The following SMARCAD1 variants were observed in gnomAD, a reference collection of about 807,000 sequenced individuals.
SMARCAD1 encodes the protein SWI/SNF-related matrix-associated actin-dependent regulator of chromatin subfamily A containing DEAD/H box 1.
In SMARCAD1, 25 loss-of-function variants were observed where a neutral mutation model predicts 127.1. The observed-to-expected ratio is 0.20, with a 90% confidence interval of 0.14 to 0.27. SMARCAD1 has a LOEUF of 0.27. SMARCAD1 is among the 10% of genes least tolerant of loss of function. The pLI is 1.00. For missense variants in SMARCAD1, 807 were observed against 1,206.0 expected, an observed-to-expected ratio of 0.67 and a Z score of 4.90; for synonymous variants, 400 against 396.9, an observed-to-expected ratio of 1.01 and a Z score of -0.09.
intron 9 of SMARCAD1, among the ~76,000 whole-genome samples, chr4:94,258,070 G>A (rs1750389988): frequency 6.7e-6 from 1 of 149,938 alleles, no homozygotes; most frequent in African/African-American, 2.5e-5. Flanking sequence ...ATTTGTCTCG[G>A]TTTTTCTCTT....
chr4:94,252,687 A>T lies in SMARCAD1; in HGVS notation c.961A>T (p.Lys321Ter). ...TTCTTCAAGAAGTCAAAATTACCCTAAAAATGCAACTAAAACAAAACTAAA... is the reference window on the plus strand; with the variant it reads ...TTCTTCAAGAAGTCAAAATTACCCTTAAAATGCAACTAAAACAAAACTAAA... ...EVSSRSQNYP[K>*]NATKTKLKQK... Residue 321 changes from lysine (K) to a stop codon, truncating the protein, a stop_gained, in exon 9 of 24, where the codon AAA (lysine) becomes TAA (stop). Coordinates refer to ENST00000354268, the MANE Select transcript of SMARCAD1 (RefSeq NM_020159.5). LOFTEE classifies it high-confidence loss of function. The T allele has an allele frequency of 6.3e-7, 1 of 1,585,324 alleles. No individual in the cohort carries two copies. The highest frequency in any genetic ancestry group is 8.6e-7 in the Non-Finnish European group (1 of 1,168,710).
chr4:94,285,592 T>C (rs938666929), intron 23 of SMARCAD1, among the ~76,000 whole-genome samples: 3 of 152,214 alleles, frequency 2.0e-5, no homozygotes, highest in Non-Finnish European at 2.9e-5. Context: ...AAATTTCTGT[T>C]CATGACAGAC....
intron 15 of SMARCAD1, 78 bp from the exon 16 acceptor site, chr4:94,276,944 C>T (rs1660670373): frequency 2.1e-6 from 3 of 1,449,084 alleles, no homozygotes; most frequent in Non-Finnish European, 1.9e-6. Context: ...CCTCCCTTCA[C>T]CTTTCACTGG....
At chr4:94,222,216 T>C (rs544373970) in intron 2 of SMARCAD1, among the ~76,000 whole-genome samples, 6 of 152,346 alleles carry the variant, frequency 3.9e-5, no homozygotes, top group Non-Finnish European at 7.3e-5. Context: ...ATCAATGGTT[T>C]GGCATATTTT....
intron 6 of SMARCAD1, among the ~76,000 whole-genome samples, chr4:94,241,495 T>G (rs1368439098): frequency 6.6e-6 from 1 of 152,184 alleles, no homozygotes; most frequent in Non-Finnish European, 1.5e-5. Flanking sequence ...CTGATGACCC[T>G]GTCTCCAATA....
intron 6 of SMARCAD1, among the ~76,000 whole-genome samples, chr4:94,246,159 G>T (rs1285145982): frequency 1.4e-5 from 2 of 141,174 alleles, no homozygotes; most frequent in Non-Finnish European, 3.0e-5. Context: ...TCGCACTGTT[G>T]TCTGGGCTGG....
chr4:94,288,731 G>A (rs552585980), intron 23 of SMARCAD1, among the ~76,000 whole-genome samples: 2 of 152,222 alleles, frequency 1.3e-5, no homozygotes, highest in East Asian at 3.9e-4. Context: ...CATAGTTACA[G>A]ATCTATCACA....
rs1741931823 is a variant in SMARCAD1 at position 94,209,945 on chromosome 4, T to G, written c.190+1361T>G. 2.0e-5 allele frequency among the ~76,000 whole-genome samples: 3 copies of G among 152,362 alleles called. No homozygotes were observed. The South Asian group carries it at 6.2e-4, about 32-fold the overall frequency. ...ATTTCGAGTCCATAGAAGCTTCTGC[T>G]TCTTCATTTTTGTTAAATGTGGGAC... On this transcript the variant is annotated intron_variant, in intron 2 of 23. Coordinates refer to ENST00000354268, the MANE Select transcript of SMARCAD1 (RefSeq NM_020159.5).
At chr4:94,213,387 A>G (rs1311062398) in intron 2 of SMARCAD1, among the ~76,000 whole-genome samples, 8 of 152,148 alleles carry the variant, frequency 5.3e-5, no homozygotes, top group Admixed American at 5.2e-4. Flanking sequence ...GTTGCCTCCA[A>G]GAGTCTAATA....
rs748954002 is a variant in SMARCAD1 at position 94,270,712 on chromosome 4, ACTCTCT to A, written c.1482-13_1482-8del. 6.2e-7 allele frequency: 1 copy of A among 1,602,836 alleles called. No individual in the cohort carries two copies. The highest frequency in any genetic ancestry group is 8.5e-7 in the Non-Finnish European group (1 of 1,170,022). ...AAATATAGATGTGTAATATTTGGTA[ACTCTCT>A]CTTTACCAGTTTGTCACTCAAGCCC... is the stretch of plus-strand genomic sequence containing the variant. On this transcript the variant is annotated splice_polypyrimidine_tract_variant and intron_variant, in intron 10 of 23. Coordinates refer to ENST00000354268, the MANE Select transcript of SMARCAD1 (RefSeq NM_020159.5).
In SMARCAD1 at chr4:94,290,514, A is replaced by G. The variant is rs1755543920; in HGVS notation, c.*980A>G. On this transcript the variant is annotated 3_prime_UTR_variant, in exon 24 of 24. Coordinates refer to ENST00000354268, the MANE Select transcript of SMARCAD1 (RefSeq NM_020159.5). ...AAAGGCAGCATTAGGTACTGCATGGAAATAGGTCATTAACTTGAAACTCTT... is the reference window on the plus strand; with the variant it reads ...AAAGGCAGCATTAGGTACTGCATGGGAATAGGTCATTAACTTGAAACTCTT... The G allele has an allele frequency of 2.2e-6, 1 of 454,512 alleles. No homozygotes were observed. The highest frequency in any genetic ancestry group is 2.3e-5 in the Admixed American group (1 of 42,564). The allele number at this position is 454,512 out of a possible 1,614,324, so 28.2% of individuals were successfully genotyped here. A position where few individuals can be genotyped will look rare whatever the true frequency, so the allele number is the denominator to read the frequency against.
intron 6 of SMARCAD1, among the ~76,000 whole-genome samples, chr4:94,242,759 T>A (rs867288888): frequency 0.016 from 1,570 of 98,518 alleles, 18 homozygotes; most frequent in Admixed American, 0.048. Flanking sequence ...AAAAAAAAAA[T>A]TTTTTTAATT....
chr4:94,208,119 GC>G, intron 1 of SMARCAD1, 49 bp downstream of exon 1: 2 of 570,906 alleles, frequency 3.5e-6, no homozygotes, highest in Non-Finnish European at 6.6e-6. Context: ...GTAAGGAGGG[GC>G]GGGCGGGGGA....
At chr4:94,287,849 A>G (rs1047348393) in intron 23 of SMARCAD1, among the ~76,000 whole-genome samples, 1 of 152,100 alleles carries the variant, frequency 6.6e-6, no homozygotes, top group African/African-American at 2.4e-5. Flanking sequence ...TTACAGAAAT[A>G]GTCATACAAA....
At chr4:94,216,995 G>A (rs544956549) in intron 2 of SMARCAD1, among the ~76,000 whole-genome samples, 318 of 152,112 alleles carry the variant, frequency 2.1e-3, no homozygotes, top group Admixed American at 4.0e-3. Flanking sequence ...AATTTTTTGC[G>A]GAACCTCCAT....
Position 94,252,142 on chromosome 4 carries a change from G to A in SMARCAD1, c.890-474G>A, listed in dbSNP as rs186924477. ...TGGGATTACAGGCGTGAGCCACCAT[G>A]CCCAGCCTATTTGAATAATTTTTTA... On this transcript the variant is annotated intron_variant, in intron 8 of 23. Transcript: ENST00000354268. Among the ~76,000 whole-genome samples the A allele has an allele frequency of 7.2e-3, 1,094 of 152,312 alleles. 5 individuals carry two copies. Among genetic ancestry groups the A allele is most frequent in the Non-Finnish European group, 0.011 (782 of 68,032 alleles).
chr4:94,267,515 G>C (rs1751913890), intron 10 of SMARCAD1, among the ~76,000 whole-genome samples: 2 of 151,972 alleles, frequency 1.3e-5, no homozygotes, highest in East Asian at 3.9e-4. Flanking sequence ...TCTATTTTAC[G>C]CCTTTCTCAC....
rs369764432 is a variant in SMARCAD1 at position 94,237,048 on chromosome 4, G to A, written c.604+30G>A. On this transcript the variant is annotated intron_variant, in intron 5 of 23. Coordinates refer to ENST00000354268, the MANE Select transcript of SMARCAD1 (RefSeq NM_020159.5). ...GCTTGACTTAATTTTAAGCCATGTC[G>A]ATTTATTGTTACGTCATAATAATAG... 3.0e-5 allele frequency: 47 copies of A among 1,578,272 alleles called. No individual in the cohort carries two copies. The Middle Eastern group carries it at 1.0e-3, about 34-fold the overall frequency.
chr4:94,223,431 T>TG (rs1744475045), intron 2 of SMARCAD1, among the ~76,000 whole-genome samples: 1 of 151,984 alleles, frequency 6.6e-6, no homozygotes, highest in African/African-American at 2.4e-5. Flanking sequence ...AGGCGGAGGT[T>TG]GCAATGAGCT....
Sources: gnomAD v4.1 joint callset for allele counts (sites outside exome capture counted in the v4.1 genomes callset) on GRCh38, gnomAD v4.1.1 for gene constraint, MANE v1.5 for transcripts, NCBI Gene and HGNC (gene_info 2026-07-23, HGNC 2026-07-21) for gene names.